FYB2: variants seen among roughly 807,000 people sequenced by gnomAD.
The protein encoded by FYB2 is FYN-binding protein 2.
Under a neutral mutation model 94.1 loss-of-function variants are expected in FYB2, and 103 were observed. The ratio of observed to expected loss-of-function variants is 1.09; its 90% CI spans 0.93 to 1.29. The LOEUF (loss-of-function observed/expected upper bound fraction) is 1.29, where lower values mean the gene tolerates loss of function less well. Ranked by LOEUF, FYB2 falls within the 50% of genes most tolerant of loss-of-function variation. The pLI is 0.00. For synonymous variants in FYB2, 293 were observed against 287.9 expected, an observed-to-expected ratio of 1.02 and a Z score of -0.18; for missense variants, 896 against 841.5, an observed-to-expected ratio of 1.06 and a Z score of -0.80.
intron 9 of FYB2, 49 bp downstream of exon 9, chr1:56,750,995 A>G (rs1645183905): frequency 2.5e-6 from 4 of 1,585,424 alleles, no homozygotes; most frequent in Non-Finnish European, 3.4e-6. Flanking sequence ...ATGCTCAGCT[A>G]TAAAACAAAT....
Position 56,719,599 on chromosome 1 carries a change from G to GAT in FYB2, c.*70_*71dup. 2 of 1,337,442 alleles carry GAT rather than the reference G, an allele frequency of 1.5e-6. No individual in the cohort carries two copies. The highest frequency in any genetic ancestry group is 1.0e-6 in the Non-Finnish European group (1 of 970,802). The allele number at this position is 1,337,442 out of a possible 1,614,324, so 82.8% of individuals were successfully genotyped here. A position where few individuals can be genotyped will look rare whatever the true frequency, so the allele number is the denominator to read the frequency against. ...AAATTTTGACATGTAAACTGAAACT[G>GAT]ATGTAACGCAGGACTAGGATCTTAG... is the stretch of plus-strand genomic sequence containing the variant. On this transcript the variant is annotated 3_prime_UTR_variant, in exon 20 of 20. Transcript: ENST00000343433.
chr1:56,776,657 C>T (rs1319939081), intron 4 of FYB2, among the ~76,000 whole-genome samples: 1 of 152,090 alleles, frequency 6.6e-6, no homozygotes, highest in Non-Finnish European at 1.5e-5. Flanking sequence ...GGTGCACTAA[C>T]ATCTGACCCC....
At chr1:56,724,627 A>G (rs974483868) in intron 16 of FYB2, among the ~76,000 whole-genome samples, 1 of 152,018 alleles carries the variant, frequency 6.6e-6, no homozygotes, top group East Asian at 1.9e-4. Context: ...TCTTGCTTAA[A>G]ACCTTTCAAT....
At chr1:56,819,482 C>A, upstream of FYB2, 1 of 735,510 alleles carries the variant, frequency 1.4e-6, no homozygotes. Context: ...TGGGCCAGGG[C>A]CGGCCGCCAT....
intron 8 of FYB2, among the ~76,000 whole-genome samples, chr1:56,753,626 C>A (rs1645253885): frequency 6.6e-6 from 1 of 152,000 alleles, no homozygotes; most frequent in South Asian, 2.1e-4. Flanking sequence ...TAGTCCCAGC[C>A]CTGCTTCTAA....
intron 15 of FYB2, among the ~76,000 whole-genome samples, chr1:56,729,989 A>T (rs758181737): frequency 1.3e-5 from 2 of 152,038 alleles, no homozygotes; most frequent in Non-Finnish European, 2.9e-5. Flanking sequence ...AACAAATGAA[A>T]ATAGAAACAC....
At chr1:56,796,857 TTCAA>T (rs1646412152) in intron 1 of FYB2, among the ~76,000 whole-genome samples, 1 of 152,212 alleles carries the variant, frequency 6.6e-6, no homozygotes, top group Non-Finnish European at 1.5e-5. Flanking sequence ...TTCCTGCTCG[TTCAA>T]AATTTAACTC....
intron 8 of FYB2, among the ~76,000 whole-genome samples, chr1:56,751,628 A>T (rs1557609336): frequency 6.6e-6 from 1 of 151,986 alleles, no homozygotes; most frequent in Non-Finnish European, 1.5e-5. Flanking sequence ...GTTCCAAGGG[A>T]TGCTATGTAT....
At chr1:56,762,987 C>T (rs1645535106) in intron 5 of FYB2, among the ~76,000 whole-genome samples, 1 of 152,096 alleles carries the variant, frequency 6.6e-6, no homozygotes, top group African/African-American at 2.4e-5. Context: ...AAATTATTTT[C>T]TGCACAGATT....
intron 16 of FYB2, among the ~76,000 whole-genome samples, chr1:56,725,681 C>T (rs1417880391): frequency 6.6e-6 from 1 of 152,030 alleles, no homozygotes; most frequent in Non-Finnish European, 1.5e-5. Context: ...AAATAAATTA[C>T]ATCAAGTCTA....
chr1:56,787,127 C>T, intron 4 of FYB2, 48 bp downstream of exon 4: 1 of 1,606,472 alleles, frequency 6.2e-7, no homozygotes. Flanking sequence ...GTCTAAGTAG[C>T]CTCTGTGGTG....
intron 13 of FYB2, among the ~76,000 whole-genome samples, chr1:56,739,771 C>G (rs1644909092): frequency 6.6e-6 from 1 of 152,072 alleles, no homozygotes; most frequent in Non-Finnish European, 1.5e-5. Flanking sequence ...TTTTTATAGA[C>G]AGGCTTTGTG....
In FYB2 at chr1:56,772,488, C is replaced by T. The variant is rs116740837; in HGVS notation, c.954-4550G>A. On this transcript the variant is annotated intron_variant, in intron 4 of 19. Transcript: ENST00000343433. The stretch of plus-strand genomic sequence containing the variant: ...CTAGATCTGAGATCCACCTTGATTT[C>T]ATACAATGTGGATCAATATACAGAA... Among the ~76,000 whole-genome samples, 917 of 152,232 alleles carry T rather than the reference C, an allele frequency of 6.0e-3. 7 individuals are homozygous for T. Among genetic ancestry groups the T allele is most frequent in the African/African-American group, 0.019 (780 of 41,554 alleles).
intron 1 of FYB2, among the ~76,000 whole-genome samples, chr1:56,793,738 G>A (rs1453653282): frequency 6.2e-5 from 5 of 80,674 alleles, no homozygotes; most frequent in African/African-American, 2.2e-4. Context: ...AACGAAAGTT[G>A]AAAAAAAAAA....
At chr1:56,816,006 T>C (rs888325260) in intron 1 of FYB2, among the ~76,000 whole-genome samples, 3 of 152,198 alleles carry the variant, frequency 2.0e-5, no homozygotes, top group Non-Finnish European at 4.4e-5. Context: ...CAAAATTCTA[T>C]AGGGTTCACT....
chr1:56,753,425 G>A (rs1249870798), intron 8 of FYB2, among the ~76,000 whole-genome samples: 2 of 152,086 alleles, frequency 1.3e-5, no homozygotes, highest in Non-Finnish European at 2.9e-5. Flanking sequence ...GATGGTAATT[G>A]GGTAGGAATC....
intron 4 of FYB2, among the ~76,000 whole-genome samples, chr1:56,777,239 C>CA (rs1453236717): frequency 1.9e-3 from 9 of 4,798 alleles, no homozygotes; most frequent in Non-Finnish European, 2.1e-3. Flanking sequence ...GTCTCAAAAA[C>CA]AAAAAAAAAA....
At chr1:56,801,222 G>T (rs1053090235) in intron 1 of FYB2, among the ~76,000 whole-genome samples, 6 of 152,080 alleles carry the variant, frequency 3.9e-5, no homozygotes, top group African/African-American at 1.2e-4. Context: ...TCCCAAGCAT[G>T]GCTTTCTTCT....
rs1190679539 is a variant in FYB2, at chr1:56,765,903, ATCT to A, written c.1063+1923_1063+1925del. Reference sequence around the variant, plus strand: ...AATAGGACAAAAGTACATCTGTTCCATCTTCCCAGAAACAGAGGTCCACTTCAC... The same window carrying A: ...AATAGGACAAAAGTACATCTGTTCCATCCCAGAAACAGAGGTCCACTTCAC... On this transcript the variant is annotated intron_variant, in intron 5 of 19. Transcript: ENST00000343433. 2.6e-5 allele frequency among the ~76,000 whole-genome samples: 4 copies of A among 152,304 alleles called. No individual in the cohort carries two copies. In the East Asian group the frequency reaches 7.7e-4, roughly 29 times the overall value.
Sources: gnomAD v4.1 joint callset for allele counts (sites outside exome capture counted in the v4.1 genomes callset) on GRCh38, gnomAD v4.1.1 for gene constraint, MANE v1.5 for transcripts, NCBI Gene and HGNC (gene_info 2026-07-23, HGNC 2026-07-21) for gene names.